The following GNAT1 variants were observed in gnomAD, a reference collection of about 807,000 sequenced individuals.
The protein encoded by GNAT1 is G protein subunit alpha transducin 1.
In GNAT1, 36 loss-of-function variants were observed where a neutral mutation model predicts 40.0. That is an observed-to-expected ratio of 0.90 (90% CI 0.69 to 1.19). The LOEUF (loss-of-function observed/expected upper bound fraction) is 1.19, where lower values mean the gene tolerates loss of function less well. GNAT1 is among the 50% of genes most tolerant of loss of function. The pLI is 0.00. For missense variants in GNAT1, 413 were observed against 480.6 expected, an observed-to-expected ratio of 0.86 and a Z score of 1.32; for synonymous variants, 195 against 192.9, an observed-to-expected ratio of 1.01 and a Z score of -0.09.
rs1022177863 is a variant in GNAT1 at position 50,194,372 on chromosome 3, A to T, written c.709-129A>T. ...AGGCCCGGAGGCGTTCAGCAGGCCC[A>T]TCTGGGGCAGTGCGGGGAGCCCTCT... is the stretch of plus-strand genomic sequence containing the variant. On this transcript the variant is annotated intron_variant, in intron 6 of 8. Coordinates refer to ENST00000232461, the MANE Select transcript of GNAT1 (RefSeq NM_144499.3). The surrounding 1 kb of genome is among the most constrained non-coding windows in gnomAD (Gnocchi z 6.1). 5 of 1,389,802 alleles carry T rather than the reference A, an allele frequency of 3.6e-6. No homozygotes were observed. The highest frequency in any genetic ancestry group is 5.0e-6 in the Non-Finnish European group (5 of 1,004,616). The allele number at this position is 1,389,802 out of a possible 1,614,324, so 86.1% of individuals were successfully genotyped here. A position where few individuals can be genotyped will look rare whatever the true frequency, so the allele number is the denominator to read the frequency against.
At position 50,193,560 on chromosome 3, in the gene GNAT1, C is replaced by T; in HGVS notation, c.346C>T (p.Pro116Ser). ...AGACACTATCGAGGAGGGCACGATGCCCAAGGAGATGTCGGACATCATCCA... is the reference window on the plus strand; with the variant it reads ...AGACACTATCGAGGAGGGCACGATGTCCAAGGAGATGTCGGACATCATCCA... ...MADTIEEGTM[P>S]KEMSDIIQRL... is the part of the protein sequence containing the mutation. Residue 116 changes from proline (P) to serine (S), a missense_variant, in exon 4 of 9, where the codon CCC (proline) becomes TCC (serine). Physicochemically the swap from Pro to Ser is moderately conservative, Grantham distance 74. Transcript: ENST00000232461. This position sits in a 1 kb window ranked among gnomAD's most constrained non-coding sequence, Gnocchi z 8.1. 6.2e-7 allele frequency: 1 copy of T among 1,613,248 alleles called. No homozygotes were observed. The highest frequency in any genetic ancestry group is 8.5e-7 in the Non-Finnish European group (1 of 1,179,874).
chr3:50,193,610 C>T lies in GNAT1; in HGVS notation c.396C>T (p.Ile132=). 6.2e-7 allele frequency: 1 copy of T among 1,612,820 alleles called. No homozygotes were observed. Among genetic ancestry groups the T allele is most frequent in the Non-Finnish European group, 8.5e-7 (1 of 1,179,870 alleles). The change falls in exon 4 of 9, where the codon ATC becomes ATT. Residue 132 remains isoleucine (I), a synonymous_variant. Coordinates refer to ENST00000232461, the MANE Select transcript of GNAT1 (RefSeq NM_144499.3). The surrounding 1 kb of genome is among the most constrained non-coding windows in gnomAD (Gnocchi z 8.1). ...IIQRLWKDSG[I]QACFERASEY... is the part of the protein sequence containing the mutation. ...AGCGGCTGTGGAAGGACTCCGGTAT[C>T]CAGGCCTGTTTTGAGCGCGCCTCGG...
Position 50,197,277 on chromosome 3 carries a change from A to C in GNAT1, c.*2011A>C, listed in dbSNP as rs1699516565. On this transcript the variant is annotated 3_prime_UTR_variant, in exon 9 of 9. Coordinates refer to ENST00000232461, the MANE Select transcript of GNAT1 (RefSeq NM_144499.3). ...TGCCGGTGTATAGTTTGGTGGTGTT[A>C]AGTACATTCATAATGTTGTACAACC... Among the ~76,000 whole-genome samples the C allele has an allele frequency of 6.6e-6, 1 of 152,150 alleles. No homozygotes were observed. Among genetic ancestry groups the C allele is most frequent in the South Asian group, 2.1e-4 (1 of 4,830 alleles).
intron 8 of GNAT1, 100 bp downstream of exon 8, chr3:50,195,056 A>C (rs961455350): frequency 1.9e-4 from 161 of 868,076 alleles, no homozygotes; most frequent in Middle Eastern, 1.3e-3. Flanking sequence ...CAAATCCTGG[A>C]GCCTACTGCC....
rs1699437009 is a variant in GNAT1 at position 50,193,051 on chromosome 3, C to T, written c.107-82C>T. 1.3e-6 allele frequency: 2 copies of T among 1,486,140 alleles called. No homozygotes were observed. Among genetic ancestry groups the T allele is most frequent in the Non-Finnish European group, 1.9e-6 (2 of 1,074,268 alleles). 92.1% of individuals were successfully genotyped at this position (1,486,140 alleles called of 1,614,324 possible). A position where few individuals can be genotyped will look rare whatever the true frequency, so the allele number is the denominator to read the frequency against. Reference sequence around the variant, plus strand: ...TCGCTGCGGGTCCACCCTGCCAACTCGGGAGGTCCCCGTCCTCCTGGCCTC... The same window carrying T: ...TCGCTGCGGGTCCACCCTGCCAACTTGGGAGGTCCCCGTCCTCCTGGCCTC... On this transcript the variant is annotated intron_variant, in intron 1 of 8. Coordinates refer to ENST00000232461, the MANE Select transcript of GNAT1 (RefSeq NM_144499.3). This position sits in a 1 kb window ranked among gnomAD's most constrained non-coding sequence, Gnocchi z 8.1.
rs904683210 is a variant in GNAT1, at chr3:50,194,787, C to T, written c.885C>T (p.Ala295=). The T allele has an allele frequency of 1.2e-6, 2 of 1,613,714 alleles. No homozygotes were observed. Among genetic ancestry groups the T allele is most frequent in the Non-Finnish European group, 1.7e-6 (2 of 1,179,988 alleles). The change falls in exon 8 of 9, where the codon GCC becomes GCT. Residue 295 remains alanine, a synonymous_variant. Coordinates refer to ENST00000232461, the MANE Select transcript of GNAT1 (RefSeq NM_144499.3). The surrounding 1 kb of genome is among the most constrained non-coding windows in gnomAD (Gnocchi z 6.1). The part of the protein sequence containing the change: ...DYDGPNTYED[A]GNYIKVQFLE... ...CAGGACCCAACACCTACGAGGACGC[C>T]GGCAACTACATCAAGGTGCAGTTCC...
Position 50,194,104 on chromosome 3 carries a change from G to T in GNAT1, c.591G>T (p.Val197=). 1 of 1,613,766 alleles carries T rather than the reference G, an allele frequency of 6.2e-7. No homozygotes were observed. Among genetic ancestry groups the T allele is most frequent in the South Asian group, 1.1e-5 (1 of 91,066 alleles). The change falls in exon 6 of 9, where the codon GTG becomes GTT. Residue 197 remains valine (V), a synonymous_variant. Coordinates refer to ENST00000232461, the MANE Select transcript of GNAT1 (RefSeq NM_144499.3). The surrounding 1 kb of genome is among the most constrained non-coding windows in gnomAD (Gnocchi z 6.1). ...CGCGGCCCCGCAGGATGTTCGATGT[G>T]GGCGGGCAGCGCTCGGAGCGCAAGA... is the stretch of plus-strand genomic sequence containing the variant. ...FKDLNFRMFD[V]GGQRSERKKW...
rs979387074 is a variant in GNAT1 at position 50,197,143 on chromosome 3, T to C, written c.*1877T>C. ...AGGATCAAACAGAGGCATGCTAAGA[T>C]ATATTGGGGCTTGAAGCAAAGGGAA... On this transcript the variant is annotated 3_prime_UTR_variant, in exon 9 of 9. Coordinates refer to ENST00000232461, the MANE Select transcript of GNAT1 (RefSeq NM_144499.3). Among the ~76,000 whole-genome samples the C allele has an allele frequency of 2.6e-5, 4 of 152,128 alleles. No individual in the cohort carries two copies. Among genetic ancestry groups the C allele is most frequent in the Non-Finnish European group, 4.4e-5 (3 of 68,018 alleles).
At chr3:50,191,855 G>C (rs1481257608) in intron 1 of GNAT1, 24 bp downstream of exon 1, 3 of 1,433,792 alleles carry the variant, frequency 2.1e-6, no homozygotes, top group African/African-American at 1.4e-5. Flanking sequence ...CCCAGGTGGG[G>C]CCACTGCCAC....
Position 50,194,711 on chromosome 3 carries a change from C to T in GNAT1, c.863-54C>T, listed in dbSNP as rs1023387607. ...CCCCGCCCCACGATCGCGGCGCGCA[C>T]CCCCCGCACGGGGAAGGAAGGGCTG... On this transcript the variant is annotated intron_variant, in intron 7 of 8. Coordinates refer to ENST00000232461, the MANE Select transcript of GNAT1 (RefSeq NM_144499.3). This position sits in a 1 kb window ranked among gnomAD's most constrained non-coding sequence, Gnocchi z 6.1. 11 of 1,603,886 alleles carry T rather than the reference C, an allele frequency of 6.9e-6. No individual in the cohort carries two copies. Among genetic ancestry groups the T allele is most frequent in the East Asian group, 4.5e-5 (2 of 44,836 alleles).
Position 50,193,054 on chromosome 3 carries a change from G to T in GNAT1, c.107-79G>T, listed in dbSNP as rs1426099876. Reference sequence around the variant, plus strand: ...CTGCGGGTCCACCCTGCCAACTCGGGAGGTCCCCGTCCTCCTGGCCTCCTT... The same window carrying T: ...CTGCGGGTCCACCCTGCCAACTCGGTAGGTCCCCGTCCTCCTGGCCTCCTT... On this transcript the variant is annotated intron_variant, in intron 1 of 8. Coordinates refer to ENST00000232461, the MANE Select transcript of GNAT1 (RefSeq NM_144499.3). The surrounding 1 kb of genome is among the most constrained non-coding windows in gnomAD (Gnocchi z 8.1). The T allele has an allele frequency of 2.7e-6, 4 of 1,508,938 alleles. No homozygotes were observed. The highest frequency in any genetic ancestry group is 3.7e-6 in the Non-Finnish European group (4 of 1,093,410). The allele number at this position is 1,508,938 out of a possible 1,614,324, so 93.5% of individuals were successfully genotyped here.
In GNAT1 at chr3:50,197,255, C is replaced by T. The variant is rs1044308646; in HGVS notation, c.*1989C>T. Among the ~76,000 whole-genome samples, 6 of 152,068 alleles carry T rather than the reference C, an allele frequency of 3.9e-5. No individual in the cohort carries two copies. Among genetic ancestry groups the T allele is most frequent in the East Asian group, 1.9e-4 (1 of 5,198 alleles). On this transcript the variant is annotated 3_prime_UTR_variant, in exon 9 of 9. Coordinates refer to ENST00000232461, the MANE Select transcript of GNAT1 (RefSeq NM_144499.3). ...AAAGTTTACTATCTCAGCCACTTGC[C>T]GGTGTATAGTTTGGTGGTGTTAAGT...
At chr3:50,192,080 G>T (rs1293008736) in intron 1 of GNAT1, among the ~76,000 whole-genome samples, 1 of 152,226 alleles carries the variant, frequency 6.6e-6, no homozygotes, top group African/African-American at 2.4e-5. Flanking sequence ...CTCCCCAGAA[G>T]TGCGTGCCAA....
rs1345897305 is a variant in GNAT1, at chr3:50,196,547, A to T, written c.*1281A>T. 1 of 152,574 alleles carries T rather than the reference A, an allele frequency of 6.6e-6. No individual in the cohort carries two copies. Among genetic ancestry groups the T allele is most frequent in the Non-Finnish European group, 1.5e-5 (1 of 68,034 alleles). The allele number at this position is 152,574 out of a possible 1,614,324, so 9.5% of individuals were successfully genotyped here. A position where few individuals can be genotyped will look rare whatever the true frequency, so the allele number is the denominator to read the frequency against. On this transcript the variant is annotated 3_prime_UTR_variant, in exon 9 of 9. Coordinates refer to ENST00000232461, the MANE Select transcript of GNAT1 (RefSeq NM_144499.3). Reference sequence around the variant, plus strand: ...CTGTCCTTTCTTGGTGGAGGACTTAATTATCACAAGTCATGGGCATTTATT... The same window carrying T: ...CTGTCCTTTCTTGGTGGAGGACTTATTTATCACAAGTCATGGGCATTTATT...
At position 50,193,381 on chromosome 3, in the gene GNAT1, T is replaced by C; in HGVS notation, c.266T>C (p.Ile89Thr). 1 of 1,613,932 alleles carries C rather than the reference T, an allele frequency of 6.2e-7. No individual in the cohort carries two copies. The highest frequency in any genetic ancestry group is 1.3e-5 in the African/African-American group (1 of 74,984). Residue 89 changes from isoleucine to threonine, a missense_variant, in exon 3 of 9, where the codon ATC (isoleucine) becomes ACC (threonine). Physicochemically the swap from Ile to Thr is moderately conservative, Grantham distance 89. Coordinates refer to ENST00000232461, the MANE Select transcript of GNAT1 (RefSeq NM_144499.3). The surrounding 1 kb of genome is among the most constrained non-coding windows in gnomAD (Gnocchi z 8.1). Reference protein sequence around the residue: ...AIVRAMTTLNIQYGDSARQDD... With the variant: ...AIVRAMTTLNTQYGDSARQDD... The stretch of plus-strand genomic sequence containing the variant: ...GTACGCGCCATGACCACACTCAACA[T>C]CCAGTACGGAGACTCTGCACGCCAG...
In GNAT1 at chr3:50,191,838, G is replaced by C; in HGVS notation, c.106+7G>C. The C allele has an allele frequency of 1.3e-6, 2 of 1,594,522 alleles. No individual in the cohort carries two copies. Among genetic ancestry groups the C allele is most frequent in the Non-Finnish European group, 1.7e-6 (2 of 1,162,472 alleles). On this transcript the variant is annotated splice_region_variant and intron_variant, in intron 1 of 8. Transcript: ENST00000232461. ...GTGAAGCTGCTGCTTCTGGGTAGGG[G>C]TGTGGGCCCAGGTGGGGCCACTGCC...
intron 8 of GNAT1, 137 bp from the exon 9 acceptor site, chr3:50,195,131 G>GT: frequency 1.9e-6 from 1 of 537,264 alleles, no homozygotes; most frequent in Non-Finnish European, 3.2e-6. Context: ...CACCCCACAA[G>GT]TCCCACCCAT....
chr3:50,194,248 C>G lies in GNAT1; in HGVS notation c.708+27C>G, dbSNP rs1553696414. ...TGCGTGCCAGGCAGGGCCTGTGTTCCAGGGGGGCGAGGAGGAGCTGCTGGT... is the reference window on the plus strand; with the variant it reads ...TGCGTGCCAGGCAGGGCCTGTGTTCGAGGGGGGCGAGGAGGAGCTGCTGGT... On this transcript the variant is annotated intron_variant, in intron 6 of 8. Transcript: ENST00000232461. This position sits in a 1 kb window ranked among gnomAD's most constrained non-coding sequence, Gnocchi z 6.1. 1 of 1,587,422 alleles carries G rather than the reference C, an allele frequency of 6.3e-7. No individual in the cohort carries two copies. Among genetic ancestry groups the G allele is most frequent in the East Asian group, 2.3e-5 (1 of 43,174 alleles).
At chr3:50,195,159 C>T (rs764282254) in intron 8 of GNAT1, 109 bp from the exon 9 acceptor site, 3 of 611,182 alleles carry the variant, frequency 4.9e-6, no homozygotes, top group African/African-American at 3.7e-5. Context: ...CTTTTGGCCC[C>T]GCCCCAAGAC....
Sources: allele counts gnomAD v4.1 joint callset (sites outside exome capture counted in the v4.1 genomes callset), GRCh38; gene constraint gnomAD v4.1.1; non-coding constraint Gnocchi (gnomAD v3.1); transcripts MANE v1.5; gene names NCBI Gene and HGNC (gene_info 2026-07-23, HGNC 2026-07-21).